Variants in NDRG4 observed in about 807,000 individuals in gnomAD.
NDRG4 encodes NDRG family member 4.
Under a neutral mutation model 55.8 loss-of-function variants are expected in NDRG4, and 38 were observed. The observed-to-expected ratio is 0.68, with a 90% CI of 0.53 to 0.89. NDRG4 has a LOEUF of 0.89. Ranked by LOEUF, NDRG4 falls within the 40% of genes least tolerant of loss-of-function variation. NDRG4 has a pLI of 0.00. For synonymous variants in NDRG4, 190 were observed against 182.7 expected, an observed-to-expected ratio of 1.04 and a Z score of -0.32; for missense variants, 455 against 468.6, an observed-to-expected ratio of 0.97 and a Z score of 0.27.
Position 58,504,679 on chromosome 16 carries a change from A to C in NDRG4, c.372+30A>C, listed in dbSNP as rs543392458. On this transcript the variant is annotated intron_variant, in intron 5 of 14. Transcript: ENST00000570248. The stretch of plus-strand genomic sequence containing the variant: ...GTCTCCCCATGCCCCCATTACCCCA[A>C]ACACCAGGGCAAGCCAGGGATGTCC... The C allele has an allele frequency of 3.9e-4, 636 of 1,613,220 alleles. 12 individuals are homozygous for C. The South Asian group carries it at 6.2e-3, about 16-fold the overall frequency.
chr16:58,509,877 C>G (rs1330664663), intron 13 of NDRG4, among the ~76,000 whole-genome samples: 1 of 152,142 alleles, frequency 6.6e-6, no homozygotes, highest in Non-Finnish European at 1.5e-5. Flanking sequence ...CTGAAAGCAG[C>G]TGAACCTGGC....
chr16:58,502,194 G>C, intron 1 of NDRG4: 1 of 351,858 alleles, frequency 2.8e-6, no homozygotes, highest in Non-Finnish European at 5.8e-6. Flanking sequence ...TCTATGGCTT[G>C]GGCCTATGTG....
At chr16:58,514,745 CAAAAAAAAAAAAAAAAAAAAGGA>C (rs1173200609), downstream of NDRG4, among the ~76,000 whole-genome samples, 10 of 82,132 alleles carry the variant, frequency 1.2e-4, no homozygotes, top group African/African-American at 4.2e-4. Flanking sequence ...CCCAACGCGC[CAAAAAAAAAAAAAAAAAAAAGGA>C]AAAAAAAAAA....
In NDRG4 at chr16:58,511,907, G is replaced by A. The variant is rs139443020; in HGVS notation, c.*331G>A. 2.4e-4 allele frequency: 108 copies of A among 451,556 alleles called. No homozygotes were observed. In the East Asian group the frequency reaches 6.1e-3, roughly 25 times the overall value. The allele number at this position is 451,556 out of a possible 1,614,324, so 28.0% of individuals were successfully genotyped here. Reference sequence around the variant, plus strand: ...CATTCCTGGGTGAGCCCTTGGGCAGGCATGTTTGGAGATGAGAGAGGCTTC... The same window carrying A: ...CATTCCTGGGTGAGCCCTTGGGCAGACATGTTTGGAGATGAGAGAGGCTTC... On this transcript the variant is annotated 3_prime_UTR_variant, in exon 15 of 15. Transcript: ENST00000570248.
intron 2 of NDRG4, among the ~76,000 whole-genome samples, chr16:58,493,586 C>T (rs2036038003): frequency 6.6e-6 from 1 of 152,172 alleles, no homozygotes. Flanking sequence ...GTATTTATTC[C>T]TTAGGAGGAT....
rs1597294094 is a variant in NDRG4 at position 58,503,878 on chromosome 16, C to T, written c.102C>T (p.Leu34=). 1 of 1,613,972 alleles carries T rather than the reference C, an allele frequency of 6.2e-7. No individual in the cohort carries two copies. Among genetic ancestry groups the T allele is most frequent in the African/African-American group, 1.3e-5 (1 of 75,050 alleles). The change falls in exon 2 of 15, where the codon CTC becomes CTT. Residue 34 remains leucine, a synonymous_variant. Transcript: ENST00000570248. ...CCAAGGGGAACCGCCCAGCCATCCT[C>T]ACCTACCATGATGTGGGCCTCAACC... is the stretch of plus-strand genomic sequence containing the variant. The part of the protein sequence containing the change: ...GSPKGNRPAI[L]TYHDVGLNHK...
intron 1 of NDRG4, among the ~76,000 whole-genome samples, chr16:58,473,003 C>G (rs1454888456): frequency 1.3e-5 from 2 of 152,150 alleles, no homozygotes; most frequent in Non-Finnish European, 2.9e-5. Context: ...CTTCCCTGTC[C>G]TCATTCACTC....
intron 14 of NDRG4, chr16:58,511,118 C>T: frequency 2.0e-6 from 1 of 489,438 alleles, no homozygotes; most frequent in Middle Eastern, 5.5e-4. Flanking sequence ...TCCTCCTTTA[C>T]AGAAACAGTC....
chr16:58,509,694 TG>T (rs750875230), intron 13 of NDRG4, among the ~76,000 whole-genome samples: 7 of 152,124 alleles, frequency 4.6e-5, no homozygotes, highest in Admixed American at 6.5e-5. Context: ...GAAGCCTGTC[TG>T]GGGGTGAGGC....
At chr16:58,492,551 T>TGTGTGTGAGA (rs1342930103) in intron 2 of NDRG4, among the ~76,000 whole-genome samples, 1 of 43,922 alleles carries the variant, frequency 2.3e-5, no homozygotes, top group African/African-American at 4.6e-5. Flanking sequence ...TGTGTGTGTG[T>TGTGTGTGAGA]GAGAGACAGA....
intron 1 of NDRG4, among the ~76,000 whole-genome samples, chr16:58,472,771 G>A (rs2033056784): frequency 6.6e-6 from 1 of 152,120 alleles, no homozygotes; most frequent in Non-Finnish European, 1.5e-5. Flanking sequence ...CAAGGGCAGT[G>A]TGGTTGCTGG....
chr16:58,502,093 CCCTGAGACTGGCACCTGGCA>C (rs1396946077), intron 1 of NDRG4: 1 of 433,984 alleles, frequency 2.3e-6, no homozygotes, highest in Non-Finnish European at 4.8e-6. Flanking sequence ...CCGCCCTGGC[CCCTGAGACTGGCACCTGGCA>C]GGGCCTGCCC....
chr16:58,486,554 T>C (rs1053947857), intron 1 of NDRG4, among the ~76,000 whole-genome samples: 2 of 152,214 alleles, frequency 1.3e-5, no homozygotes, highest in African/African-American at 2.4e-5. Flanking sequence ...AATTCTTTTA[T>C]GAATTTCTAG....
intron 1 of NDRG4, chr16:58,475,668 T>C: frequency 2.2e-6 from 1 of 455,998 alleles, no homozygotes; most frequent in South Asian, 1.5e-5. Flanking sequence ...GTACCTTGAC[T>C]CTTTATTTCT....
intron 1 of NDRG4, among the ~76,000 whole-genome samples, chr16:58,479,232 C>A (rs190368991): frequency 6.6e-6 from 1 of 152,034 alleles, no homozygotes; most frequent in Non-Finnish European, 1.5e-5. Flanking sequence ...TGGTGACATG[C>A]CTTTTTTTCT....
intron 1 of NDRG4, among the ~76,000 whole-genome samples, chr16:58,465,508 G>A (rs2031433024): frequency 6.7e-6 from 1 of 149,270 alleles, no homozygotes; most frequent in Admixed American, 6.7e-5. Flanking sequence ...TGTTCGGGGA[G>A]AGGTATGGAG....
upstream of NDRG4, chr16:58,499,858 A>T (rs2036845558): frequency 5.5e-6 from 2 of 362,328 alleles, no homozygotes; most frequent in African/African-American, 4.3e-5. Flanking sequence ...TATTCGGAGG[A>T]TCCCGTGTGA....
rs372888060 is a variant in NDRG4, at chr16:58,504,589, G to A, written c.312G>A (p.Gly104=). ...AMLPSVVQHF[G]FKYVIGIGVG... ...GAGTGACCAGCCTGCTCTGCACCAG[G>A]TTCAAGTATGTGATTGGCATCGGAG... Residue 104 remains glycine (G), a splice_region_variant and synonymous_variant, in exon 5 of 15, where the codon GGG becomes GGA. Transcript: ENST00000570248. 124 of 1,614,206 alleles carry A rather than the reference G, an allele frequency of 7.7e-5. No individual in the cohort carries two copies. In the South Asian group the frequency reaches 1.2e-3, roughly 16 times the overall value.
At chr16:58,504,983 T>C (rs960484797) in intron 5 of NDRG4, among the ~76,000 whole-genome samples, 4 of 152,202 alleles carry the variant, frequency 2.6e-5, no homozygotes, top group African/African-American at 7.2e-5. Context: ...CCTTCACTAA[T>C]TGCCATGGTA....
Sources: allele counts gnomAD v4.1 joint callset (sites outside exome capture counted in the v4.1 genomes callset), GRCh38; gene constraint gnomAD v4.1.1; transcripts MANE v1.5; gene names NCBI Gene and HGNC (gene_info 2026-07-23, HGNC 2026-07-21).